DNAH14: variants seen among roughly 807,000 people sequenced by gnomAD.
DNAH14 encodes the protein axonemal beta dynein heavy chain 14.
Under a neutral mutation model 520.9 loss-of-function variants are expected in DNAH14, and 478 were observed. The observed-to-expected ratio is 0.92, with a 90% CI of 0.85 to 0.99. The LOEUF is 0.99. Among genes scored for constraint, DNAH14 ranks in the 50% least tolerant of loss-of-function variants. DNAH14 has a pLI of 0.00. For missense variants in DNAH14, 4,831 were observed against 5,234.5 expected (o/e 0.92, Z 2.38); for synonymous variants, 1,581 against 1,757.2 (o/e 0.90, Z 2.51).
chr1:224,960,875 C>T (rs1391107226), intron 4 of DNAH14, among the ~76,000 whole-genome samples: 2 of 152,160 alleles, frequency 1.3e-5, no homozygotes, highest in Non-Finnish European at 2.9e-5. Context: ...ACACAGGCTT[C>T]ATCCCTTCAT....
chr1:225,236,216 G>GTTTGTT (rs1347566056), intron 42 of DNAH14, among the ~76,000 whole-genome samples: 1 of 152,088 alleles, frequency 6.6e-6, no homozygotes, highest in African/African-American at 2.4e-5. Flanking sequence ...AGAGATTCTG[G>GTTTGTT]TACATTATCT....
intron 41 of DNAH14, among the ~76,000 whole-genome samples, chr1:225,223,091 G>A (rs1043060544): frequency 2.0e-5 from 3 of 152,040 alleles, no homozygotes; most frequent in Non-Finnish European, 4.4e-5. Flanking sequence ...GAAAACAGAG[G>A]TTTTGCCTGA....
Position 225,023,731 on chromosome 1 carries a change from A to T in DNAH14, c.1224A>T (p.Val408=). 6.4e-7 allele frequency: 1 copy of T among 1,550,850 alleles called. No homozygotes were observed. Among genetic ancestry groups the T allele is most frequent in the South Asian group, 1.2e-5 (1 of 83,996 alleles). Residue 408 remains valine, a synonymous_variant, in exon 11 of 86, where the codon GTA becomes GTT. Coordinates refer to ENST00000682510, the MANE Select transcript of DNAH14 (RefSeq NM_001367479.1). The part of the protein sequence containing the change: ...RRLLETFFKF[V]MLVDYIFQEL... ...TATTAGAAACATTTTTCAAGTTTGT[A>T]ATGCTGGTTGACTACATATTTCAGG...
Position 225,240,835 on chromosome 1 carries a change from G to A in DNAH14, c.6748+13G>A. 1.3e-6 allele frequency: 2 copies of A among 1,496,824 alleles called. No homozygotes were observed. The highest frequency in any genetic ancestry group is 1.8e-6 in the Non-Finnish European group (2 of 1,101,320). The allele number at this position is 1,496,824 out of a possible 1,614,324, so 92.7% of individuals were successfully genotyped here. ...AGTTCACAAGTAGGTAAGTTCTGTG[G>A]GAAAAATCATAACTATACTTATTTT... On this transcript the variant is annotated intron_variant, in intron 43 of 85. Coordinates refer to ENST00000682510, the MANE Select transcript of DNAH14 (RefSeq NM_001367479.1).
intron 22 of DNAH14, among the ~76,000 whole-genome samples, chr1:225,098,491 T>C (rs998178546): frequency 2.0e-5 from 3 of 152,176 alleles, no homozygotes; most frequent in African/African-American, 7.2e-5. Flanking sequence ...CAATGGAAAA[T>C]CTTGAATAAT....
Position 225,056,798 on chromosome 1 carries a change from C to A in DNAH14, c.2424+5003C>A, listed in dbSNP as rs1345421229. Among the ~76,000 whole-genome samples, 4 of 152,140 alleles carry A rather than the reference C, an allele frequency of 2.6e-5. No homozygotes were observed. The East Asian group carries it at 7.7e-4, about 29-fold the overall frequency. ...TTTATTAAATAGGGAATACTTTCCCCATTTCTTGTTTTTGTCAGGTTTGTC... is the reference window on the plus strand; with the variant it reads ...TTTATTAAATAGGGAATACTTTCCCAATTTCTTGTTTTTGTCAGGTTTGTC... On this transcript the variant is annotated intron_variant, in intron 17 of 85. Coordinates refer to ENST00000682510, the MANE Select transcript of DNAH14 (RefSeq NM_001367479.1).
chr1:225,050,579 A>G (rs2068441888), intron 16 of DNAH14, among the ~76,000 whole-genome samples: 1 of 152,174 alleles, frequency 6.6e-6, no homozygotes. Context: ...TTCTGTGAAA[A>G]TAAGTTTTCT....
chr1:225,252,186 A>T (rs749303166), intron 43 of DNAH14, 115 bp from the exon 44 acceptor site: 192 of 702,818 alleles, frequency 2.7e-4, no homozygotes, highest in Non-Finnish European at 4.3e-4. Context: ...ACCCTTGGTG[A>T]ATACTTATTA....
chr1:225,024,980 A>T (rs1365250336), intron 11 of DNAH14, among the ~76,000 whole-genome samples: 3 of 152,058 alleles, frequency 2.0e-5, no homozygotes, highest in African/African-American at 7.2e-5. Context: ...TAATCCTAGT[A>T]TACTAATTTA....
At chr1:224,970,371 A>G (rs938753941) in intron 7 of DNAH14, among the ~76,000 whole-genome samples, 2 of 152,084 alleles carry the variant, frequency 1.3e-5, no homozygotes, top group Non-Finnish European at 2.9e-5. Flanking sequence ...TTCATTGGCA[A>G]TTTTAATTTC....
intron 26 of DNAH14, 144 bp downstream of exon 26, chr1:225,119,438 A>T: frequency 2.0e-6 from 1 of 510,154 alleles, no homozygotes; most frequent in East Asian, 3.6e-5. Flanking sequence ...CAAATCTCTT[A>T]TGAAATGGGT....
chr1:225,087,030 A>T (rs2073896776), intron 21 of DNAH14, among the ~76,000 whole-genome samples: 2 of 123,284 alleles, frequency 1.6e-5, no homozygotes. Flanking sequence ...ACACACACAC[A>T]CACACAGCCT....
chr1:225,074,157 G>A (rs1274096260), intron 17 of DNAH14, among the ~76,000 whole-genome samples: 6 of 151,058 alleles, frequency 4.0e-5, no homozygotes, highest in East Asian at 3.9e-4. Flanking sequence ...CCGCCACTAC[G>A]CCCGGCTAAT....
At chr1:225,330,693 G>A (rs2094777493) in intron 64 of DNAH14, among the ~76,000 whole-genome samples, 1 of 152,114 alleles carries the variant, frequency 6.6e-6, no homozygotes, top group Admixed American at 6.6e-5. Context: ...AGGTAAGAAT[G>A]GTTAATGGAT....
intron 55 of DNAH14, among the ~76,000 whole-genome samples, chr1:225,297,643 A>G (rs544519583): frequency 2.2e-4 from 34 of 152,290 alleles, no homozygotes; most frequent in African/African-American, 7.7e-4. Flanking sequence ...TGCTGGTGAC[A>G]TTTGCAAATG....
Position 225,307,622 on chromosome 1 carries a change from G to A in DNAH14, c.9114+53G>A, listed in dbSNP as rs1294099946. 2.9e-6 allele frequency: 4 copies of A among 1,357,030 alleles called. No homozygotes were observed. The South Asian group carries it at 4.7e-5, about 16-fold the overall frequency. The allele number at this position is 1,357,030 out of a possible 1,614,324, so 84.1% of individuals were successfully genotyped here. A position where few individuals can be genotyped will look rare whatever the true frequency, so the allele number is the denominator to read the frequency against. On this transcript the variant is annotated intron_variant, in intron 59 of 85. Transcript: ENST00000682510. Reference sequence around the variant, plus strand: ...AGATTTTATAGTCTAATATAGAACAGTGTTTGAAAGCAAAGGCTCTGATAC... The same window carrying A: ...AGATTTTATAGTCTAATATAGAACAATGTTTGAAAGCAAAGGCTCTGATAC...
chr1:225,063,187 A>G (rs1390056844), intron 17 of DNAH14, among the ~76,000 whole-genome samples: 1 of 152,156 alleles, frequency 6.6e-6, no homozygotes, highest in African/African-American at 2.4e-5. Flanking sequence ...ATCCTTTTGT[A>G]TTTGTGGAGG....
chr1:225,047,088 TC>T (rs1314876378), intron 15 of DNAH14, among the ~76,000 whole-genome samples: 1 of 152,216 alleles, frequency 6.6e-6, no homozygotes, highest in Non-Finnish European at 1.5e-5. Context: ...TGTCACTACT[TC>T]CTGGCCTACC....
rs948737302 is a variant in DNAH14 at position 225,374,786 on chromosome 1, G to A, written c.12417G>A (p.Arg4139=). Residue 4139 remains arginine (R), a synonymous_variant, in exon 78 of 86, where the codon CGG becomes CGA. Transcript: ENST00000682510. ...TTGGAGAAGTGATTTACGGTGGCCG[G>A]GTGATTGATAATTGGGACAAGCGAT... ...YLIGEVIYGG[R]VIDNWDKRCL... 7.1e-6 allele frequency: 11 copies of A among 1,551,382 alleles called. No individual in the cohort carries two copies. The highest frequency in any genetic ancestry group is 9.6e-6 in the Non-Finnish European group (11 of 1,146,968).
Sources: gnomAD v4.1 joint callset for allele counts (sites outside exome capture counted in the v4.1 genomes callset) on GRCh38, gnomAD v4.1.1 for gene constraint, MANE v1.5 for transcripts, NCBI Gene and HGNC (gene_info 2026-07-23, HGNC 2026-07-21) for gene names.